Variants in C6orf89 observed in about 807,000 individuals in gnomAD.
C6orf89 encodes the protein bombesin receptor-activated protein C6orf89.
C6orf89 carries 29 observed loss-of-function variants against 40.7 expected under a neutral mutation model. The observed-to-expected ratio is 0.71, with a 90% confidence interval of 0.53 to 0.97. The LOEUF is 0.97. Among genes scored for constraint, C6orf89 ranks in the 50% least tolerant of loss-of-function variants. C6orf89 has a pLI of 0.00. For missense variants in C6orf89, 392 were observed against 429.1 expected, an observed-to-expected ratio of 0.91 and a Z score of 0.76; for synonymous variants, 165 against 152.2, an observed-to-expected ratio of 1.08 and a Z score of -0.62.
Position 36,874,609 on chromosome 6 carries a change from T to C in C6orf89, c.-628+2642T>C, listed in dbSNP as rs548262317. 2.5e-4 allele frequency: 360 copies of C among 1,445,920 alleles called. 6 individuals carry two copies. Among genetic ancestry groups the C allele is most frequent in the South Asian group, 2.3e-3 (196 of 85,528 alleles). The allele number at this position is 1,445,920 out of a possible 1,614,324, so 89.6% of individuals were successfully genotyped here. On this transcript the variant is annotated intron_variant, in intron 1 of 9. Coordinates refer to the C6orf89 transcript ENST00000359359. ...CGTCTCGGCCGCTGCTCCACGCCCC[T>C]CCACGTGGAGGCCGGCCTCCCGGAG...
intron 1 of C6orf89, chr6:36,874,600 C>T (rs1774598144): frequency 7.3e-7 from 1 of 1,378,732 alleles, no homozygotes; most frequent in African/African-American, 1.4e-5. Context: ...GGCCGCTGCT[C>T]CACGCCCCTC....
rs1162629311 is a variant in C6orf89, at chr6:36,923,582, TGTGAGCTGCAAGGCA to T, written c.*145_*159del. ...CCTTTGCATGCATGTGTGAACCAGC[TGTGAGCTGCAAGGCA>T]GTGGCCAGAGCCTCGCCCTCCTGAC... is the stretch of plus-strand genomic sequence containing the variant. On this transcript the variant is annotated 3_prime_UTR_variant, in exon 9 of 9. Coordinates refer to ENST00000480824, the MANE Select transcript of C6orf89 (RefSeq NM_001286635.2). The T allele has an allele frequency of 2.8e-6, 2 of 717,174 alleles. No individual in the cohort carries two copies. Among genetic ancestry groups the T allele is most frequent in the African/African-American group, 3.5e-5 (2 of 57,020 alleles). 44.4% of individuals were successfully genotyped at this position (717,174 alleles called of 1,614,324 possible). A position where few individuals can be genotyped will look rare whatever the true frequency, so the allele number is the denominator to read the frequency against.
intron 8 of C6orf89, among the ~76,000 whole-genome samples, chr6:36,921,859 A>G (rs1039761350): frequency 2.0e-5 from 3 of 151,912 alleles, no homozygotes; most frequent in Non-Finnish European, 4.4e-5. Context: ...AGGACCTTGT[A>G]TCTACCCAAA....
At chr6:36,912,779 G>A (rs1329377057) in intron 4 of C6orf89, among the ~76,000 whole-genome samples, 2 of 152,206 alleles carry the variant, frequency 1.3e-5, no homozygotes, top group Admixed American at 6.5e-5. Context: ...ATGCTCAGCA[G>A]ACCGGCCAAG....
rs1372011085 is a variant in C6orf89, at chr6:36,874,658, G to C, written c.-628+2691G>C. On this transcript the variant is annotated intron_variant, in intron 1 of 9. Transcript: ENST00000359359. ...AGGAACGCGCCAGGAACGCAGACCC[G>C]TGGTGAGGCCCGGGCTCCGCGTCTC... 3 of 1,591,496 alleles carry C rather than the reference G, an allele frequency of 1.9e-6. No individual in the cohort carries two copies. The Admixed American group carries it at 5.0e-5, about 27-fold the overall frequency.
chr6:36,912,837 A>G (rs1428897372), intron 4 of C6orf89, among the ~76,000 whole-genome samples: 9 of 152,250 alleles, frequency 5.9e-5, no homozygotes, highest in Non-Finnish European at 7.3e-5. Flanking sequence ...CCCCACTACT[A>G]CTGCCTCAGA....
At chr6:36,909,476 T>G (rs1762045168) in intron 4 of C6orf89, among the ~76,000 whole-genome samples, 2 of 152,228 alleles carry the variant, frequency 1.3e-5, no homozygotes, top group South Asian at 4.1e-4. Context: ...TCATTGATTA[T>G]TAGTCAAATT....
chr6:36,898,120 TCTCCCAGGCTGGAGTGCAGTGGTATG>T, intron 2 of C6orf89, among the ~76,000 whole-genome samples: 2 of 152,072 alleles, frequency 1.3e-5, no homozygotes, highest in African/African-American at 4.8e-5. Flanking sequence ...TCTCGTTCTG[TCTCCCAGGCTGGAGTGCAGTGGTATG>T]ATCATAGCTC....
intron 1 of C6orf89, among the ~76,000 whole-genome samples, chr6:36,893,230 G>A (rs1388517081): frequency 3.3e-5 from 5 of 152,040 alleles, no homozygotes; most frequent in Non-Finnish European, 5.9e-5. Flanking sequence ...CACCGCGCCC[G>A]GCCTTGATTT....
At chr6:36,920,969 G>C (rs1435800574) in intron 8 of C6orf89, among the ~76,000 whole-genome samples, 1 of 141,350 alleles carries the variant, frequency 7.1e-6, no homozygotes, top group Non-Finnish European at 1.5e-5. Flanking sequence ...TACAGAATTA[G>C]GGAAAAATTA....
chr6:36,897,802 T>C (rs1280451983), intron 2 of C6orf89, among the ~76,000 whole-genome samples: 3 of 152,204 alleles, frequency 2.0e-5, no homozygotes, highest in Admixed American at 6.5e-5. Context: ...CTGGGTTGTG[T>C]TGTAACAACA....
Position 36,919,564 on chromosome 6 carries a change from AT to A in C6orf89, c.826-12del. 1 of 1,606,188 alleles carries A rather than the reference AT, an allele frequency of 6.2e-7. No individual in the cohort carries two copies. The highest frequency in any genetic ancestry group is 8.5e-7 in the Non-Finnish European group (1 of 1,174,794). On this transcript the variant is annotated splice_polypyrimidine_tract_variant and intron_variant, in intron 7 of 8. Transcript: ENST00000480824. ...TTGCCTTCCTTTTCCTCCCCTCCTC[AT>A]TCTTTCCTCCAGATGCATAAGATGC...
chr6:36,884,514 A>T (rs1400251970), upstream of C6orf89, among the ~76,000 whole-genome samples: 1 of 152,342 alleles, frequency 6.6e-6, no homozygotes, highest in East Asian at 1.9e-4. This position sits in a 1 kb window ranked among gnomAD's most constrained non-coding sequence, Gnocchi z 4.0. Flanking sequence ...CCATCTCTAC[A>T]ACGTCAAATG....
upstream of C6orf89, among the ~76,000 whole-genome samples, chr6:36,884,286 A>G (rs1179581085): frequency 6.6e-6 from 1 of 152,146 alleles, no homozygotes; most frequent in Non-Finnish European, 1.5e-5. The surrounding 1 kb of genome is among the most constrained non-coding windows in gnomAD (Gnocchi z 4.0). Flanking sequence ...AAAAATAAAT[A>G]TCCAGTTGTA....
chr6:36,884,741 A>T (rs925676145), upstream of C6orf89, among the ~76,000 whole-genome samples: 4 of 152,178 alleles, frequency 2.6e-5, no homozygotes, highest in African/African-American at 9.7e-5. This position sits in a 1 kb window ranked among gnomAD's most constrained non-coding sequence, Gnocchi z 4.0. Flanking sequence ...ATTATTTTGG[A>T]CTGAGCTCAT....
At chr6:36,886,838 C>A (rs1386337250) in intron 1 of C6orf89, among the ~76,000 whole-genome samples, 1 of 152,184 alleles carries the variant, frequency 6.6e-6, no homozygotes, top group Non-Finnish European at 1.5e-5. Flanking sequence ...GTCAAAATTT[C>A]CCTCTAGGGA....
At chr6:36,891,186 T>C (rs1316843622) in intron 1 of C6orf89, among the ~76,000 whole-genome samples, 10 of 152,120 alleles carry the variant, frequency 6.6e-5, no homozygotes, top group Non-Finnish European at 1.3e-4. Context: ...ATGTTGCCCT[T>C]CCTGTGTCCA....
In C6orf89 at chr6:36,926,923, G is replaced by A. The variant is rs1762700181; in HGVS notation, c.*3482G>A. ...GCCTCCGTTGGGGTGGGAGAACCCA[G>A]GGATGGGGGTCAGCAAGCCAGGAAC... On this transcript the variant is annotated 3_prime_UTR_variant, in exon 9 of 9. Coordinates refer to ENST00000480824, the MANE Select transcript of C6orf89 (RefSeq NM_001286635.2). 1 of 152,280 alleles carries A rather than the reference G, an allele frequency of 6.6e-6. No homozygotes were observed. Among genetic ancestry groups the A allele is most frequent in the South Asian group, 2.1e-4 (1 of 4,836 alleles). The allele number at this position is 152,280 out of a possible 1,614,324, so 9.4% of individuals were successfully genotyped here.
intron 6 of C6orf89, among the ~76,000 whole-genome samples, chr6:36,915,924 G>T (rs1762298757): frequency 6.6e-6 from 1 of 152,134 alleles, no homozygotes; most frequent in Admixed American, 6.6e-5. Flanking sequence ...TGTTTCGAAA[G>T]AATTAAAATG....
Sources: gnomAD v4.1 joint callset for allele counts (sites outside exome capture counted in the v4.1 genomes callset) on GRCh38, gnomAD v4.1.1 for gene constraint, Gnocchi (gnomAD v3.1) non-coding constraint, MANE v1.5 for transcripts, NCBI Gene and HGNC (gene_info 2026-07-23, HGNC 2026-07-21) for gene names.